Variants in GSTO2 observed in about 807,000 individuals in gnomAD.
The protein encoded by GSTO2 is glutathione S-transferase omega 2, also known as glutathione S-transferase omega-2.
A neutral mutation model predicts 28.4 loss-of-function variants in GSTO2; 23 were observed. That is an observed-to-expected ratio of 0.81 (90% CI 0.58 to 1.15). The LOEUF is 1.15. GSTO2 is among the 50% of genes most tolerant of loss of function. GSTO2 has a pLI of 0.00. For synonymous variants in GSTO2, 109 were observed against 111.0 expected, an observed-to-expected ratio of 0.98 and a Z score of 0.11; for missense variants, 298 against 297.8, an observed-to-expected ratio of 1.00 and a Z score of 0.00.
At chr10:104,295,289 T>C (rs752120559) in intron 5 of GSTO2, 5 of 152,244 alleles carry the variant, frequency 3.3e-5, no homozygotes, top group Non-Finnish European at 5.9e-5. Context: ...TGCCATCCTG[T>C]TAGCTTCCTT....
chr10:104,291,963 C>T (rs1002868610), intron 5 of GSTO2, among the ~76,000 whole-genome samples: 1 of 152,164 alleles, frequency 6.6e-6, no homozygotes, highest in African/African-American at 2.4e-5. Flanking sequence ...CTCTTGAACT[C>T]TTAAGCCTGA....
At chr10:104,285,317 G>A (rs2012354794) in intron 5 of GSTO2, among the ~76,000 whole-genome samples, 1 of 152,000 alleles carries the variant, frequency 6.6e-6, no homozygotes, top group African/African-American at 2.4e-5. Flanking sequence ...TGCCCAGGTT[G>A]GAGTGCAGTG....
chr10:104,276,433 ATTCTTTG>A (rs2011637713), intron 3 of GSTO2, among the ~76,000 whole-genome samples: 2 of 152,300 alleles, frequency 1.3e-5, no homozygotes, highest in South Asian at 4.1e-4. Context: ...AGGCCAGATA[ATTCTTTG>A]TTGGAGAGGT....
At chr10:104,269,767 A>G (rs1307225547) in intron 1 of GSTO2, among the ~76,000 whole-genome samples, 10 of 152,270 alleles carry the variant, frequency 6.6e-5, no homozygotes, top group South Asian at 2.1e-4. Context: ...TAAGCATTCA[A>G]TATTTCTCAT....
At chr10:104,295,499 G>A (rs1230717278) in intron 5 of GSTO2, 1 of 152,254 alleles carries the variant, frequency 6.6e-6, no homozygotes. Context: ...TCAGGGGCCT[G>A]TGTTCCCACT....
chr10:104,286,442 C>T (rs752356991), intron 5 of GSTO2, among the ~76,000 whole-genome samples: 8 of 152,166 alleles, frequency 5.3e-5, no homozygotes, highest in Non-Finnish European at 1.2e-4. Context: ...AATAATATTC[C>T]ATGTGTGAAT....
chr10:104,281,944 A>C (rs954497986), intron 5 of GSTO2, among the ~76,000 whole-genome samples: 1 of 152,090 alleles, frequency 6.6e-6, no homozygotes. Context: ...GCAAACAATA[A>C]TCAGTGAGGG....
At chr10:104,282,182 C>T (rs973501058) in intron 5 of GSTO2, among the ~76,000 whole-genome samples, 6 of 148,750 alleles carry the variant, frequency 4.0e-5, no homozygotes, top group Non-Finnish European at 8.9e-5. Context: ...GCCAAGACTG[C>T]GCCACTGCAC....
At chr10:104,274,496 TG>T (rs1026037249) in intron 1 of GSTO2, among the ~76,000 whole-genome samples, 188 bp from the exon 2 acceptor site, 2 of 151,908 alleles carry the variant, frequency 1.3e-5, no homozygotes, top group African/African-American at 4.8e-5. Flanking sequence ...AGATTCAGAA[TG>T]GGAAAAAAAA....
chr10:104,292,176 A>G (rs2012805280), intron 5 of GSTO2, among the ~76,000 whole-genome samples: 1 of 150,950 alleles, frequency 6.6e-6, no homozygotes, highest in Non-Finnish European at 1.5e-5. Flanking sequence ...GAGGGAAGCT[A>G]TTCAACATTA....
At chr10:104,287,819 A>AT (rs1406490306) in intron 5 of GSTO2, among the ~76,000 whole-genome samples, 30 of 142,634 alleles carry the variant, frequency 2.1e-4, no homozygotes, top group Admixed American at 2.1e-4. Context: ...TCTGTGTTTG[A>AT]TTTTTTTTTT....
chr10:104,284,218 G>A (rs2012271964), intron 5 of GSTO2, among the ~76,000 whole-genome samples: 1 of 152,010 alleles, frequency 6.6e-6, no homozygotes, highest in Non-Finnish European at 1.5e-5. Flanking sequence ...AAATTAGTTG[G>A]ATGTGGTGAT....
chr10:104,275,371 A>G lies in GSTO2; in HGVS notation c.143+37A>G, dbSNP rs200918851. The G allele has an allele frequency of 1.2e-3, 1,950 of 1,595,322 alleles. 28 individuals are homozygous for G. Among genetic ancestry groups the G allele is most frequent in the Non-Finnish European group, 1.0e-4 (121 of 1,164,264 alleles). On this transcript the variant is annotated intron_variant, in intron 3 of 6. Transcript: ENST00000338595. ...GAACCCAGAGCCCCCGAGCAAACCC[A>G]GCGCCTCACAGGAGCCCGGGAATGT...
chr10:104,272,587 CTTTTTTTTTTTTTTTTTTTTTTTTTTTTT>C (rs768279768), intron 1 of GSTO2, among the ~76,000 whole-genome samples: 20 of 49,310 alleles, frequency 4.1e-4, no homozygotes, highest in East Asian at 8.9e-4. Flanking sequence ...AGTTATGGGA[CTTTTTTTTTTTTTTTTTTTTTTTTTTTTT>C]TTTTTTTTTT....
intron 1 of GSTO2, among the ~76,000 whole-genome samples, chr10:104,272,739 G>A (rs1040751900): frequency 6.6e-6 from 1 of 151,262 alleles, no homozygotes; most frequent in Admixed American, 6.6e-5. Context: ...TCAGCCTCCT[G>A]AGTAGCTGGG....
intron 5 of GSTO2, chr10:104,291,449 C>T (rs2012759957): frequency 6.6e-6 from 1 of 152,132 alleles, no homozygotes; most frequent in South Asian, 2.1e-4. Flanking sequence ...CTGGGATTCG[C>T]TTCTCCTAAT....
intron 5 of GSTO2, among the ~76,000 whole-genome samples, chr10:104,279,885 A>T (rs569828199): frequency 6.6e-6 from 1 of 152,204 alleles, no homozygotes; most frequent in Admixed American, 6.5e-5. Context: ...TTATTCTCAC[A>T]CATACGGTGG....
At chr10:104,275,163 CTCCT>C (rs1360901777) in intron 2 of GSTO2, 59 bp from the exon 3 acceptor site, 36 of 1,548,310 alleles carry the variant, frequency 2.3e-5, no homozygotes, top group Non-Finnish European at 3.1e-5. Flanking sequence ...AGTGAGCGAG[CTCCT>C]TCCTCACCGG....
rs758861860 is a variant in GSTO2, at chr10:104,299,192, T to G, written c.640T>G (p.Cys214Gly). 1.2e-6 allele frequency: 2 copies of G among 1,614,232 alleles called. No individual in the cohort carries two copies. Among genetic ancestry groups the G allele is most frequent in the South Asian group, 2.2e-5 (2 of 91,088 alleles). The part of the protein sequence containing the change: ...ISAMKWDPTV[C>G]ALLMDKSIFQ... Reference sequence around the variant, plus strand: ...AGCCATGAAGTGGGACCCCACAGTCTGTGCTCTTCTCATGGATAAGAGCAT... The same window carrying G: ...AGCCATGAAGTGGGACCCCACAGTCGGTGCTCTTCTCATGGATAAGAGCAT... Residue 214 changes from cysteine to glycine, a missense_variant, in exon 7 of 7, where the codon TGT (cysteine) becomes GGT (glycine). By Grantham distance (159) the Cys-to-Gly change is radical (BLOSUM62 -3). Coordinates refer to ENST00000338595, the MANE Select transcript of GSTO2 (RefSeq NM_183239.2).
Sources: gnomAD v4.1 joint callset for allele counts (sites outside exome capture counted in the v4.1 genomes callset) on GRCh38, gnomAD v4.1.1 for gene constraint, MANE v1.5 for transcripts, NCBI Gene and HGNC (gene_info 2026-07-23, HGNC 2026-07-21) for gene names.